UGGT2: variants seen among roughly 807,000 people sequenced by gnomAD.
The protein encoded by UGGT2 is UDP-glucose glycoprotein glucosyltransferase 2, also known as UDP-glucose:glycoprotein glucosyltransferase 2.
A neutral mutation model predicts 192.1 loss-of-function variants in UGGT2; 180 were observed. That is an observed-to-expected ratio of 0.94 (90% CI 0.83 to 1.06). The LOEUF (loss-of-function observed/expected upper bound fraction) is 1.06. Ranked by LOEUF, UGGT2 falls within the 50% of genes least tolerant of loss-of-function variation. The pLI, the probability that UGGT2 is intolerant of heterozygous loss-of-function variation, is 0.00. For missense variants in UGGT2, 1,849 were observed against 1,795.7 expected (o/e 1.03, Z -0.54); for synonymous variants, 580 against 591.0 (o/e 0.98, Z 0.27).
intron 26 of UGGT2, among the ~76,000 whole-genome samples, chr13:95,886,102 A>G (rs542314447): frequency 5.9e-5 from 9 of 152,334 alleles, no homozygotes; most frequent in African/African-American, 2.2e-4. Flanking sequence ...ACAGGAAAGC[A>G]TGAGATCAAA....
intron 36 of UGGT2, among the ~76,000 whole-genome samples, chr13:95,851,447 G>A (rs191908531): frequency 6.6e-6 from 1 of 152,166 alleles, no homozygotes; most frequent in African/African-American, 2.4e-5. Context: ...TCAAGGCAGA[G>A]ATGTAGAGAA....
chr13:95,883,473 T>G (rs1195385661), intron 27 of UGGT2, among the ~76,000 whole-genome samples: 1 of 152,164 alleles, frequency 6.6e-6, no homozygotes. Context: ...CCAAATCTCA[T>G]GTCTAATTGT....
At chr13:95,803,817 T>C (rs1884177433) in intron 38 of UGGT2, among the ~76,000 whole-genome samples, 1 of 152,142 alleles carries the variant, frequency 6.6e-6, no homozygotes, top group Non-Finnish European at 1.5e-5. Flanking sequence ...CATTGTTAAA[T>C]ATATACAAAC....
At chr13:95,935,836 T>A (rs1292371317) in intron 17 of UGGT2, among the ~76,000 whole-genome samples, 12 of 152,206 alleles carry the variant, frequency 7.9e-5, no homozygotes, top group Non-Finnish European at 7.3e-5. Context: ...TTTTAAAAAT[T>A]CTTCTTTTCA....
In UGGT2 at chr13:95,872,943, C is replaced by G. The variant is rs1891343419; in HGVS notation, c.3473+4336G>C. ...TTCTACAATGATTTTCCCATTTAGT[C>G]CTTAGCAAAACCCCACAAGGGAGGT... On this transcript the variant is annotated intron_variant, in intron 29 of 38. Coordinates refer to ENST00000376747, the MANE Select transcript of UGGT2 (RefSeq NM_020121.4). Among the ~76,000 whole-genome samples, 4 of 152,140 alleles carry G rather than the reference C, an allele frequency of 2.6e-5. No individual in the cohort carries two copies. In the South Asian group the frequency reaches 8.3e-4, roughly 32 times the overall value.
rs2140035507 is a variant in UGGT2, at chr13:95,853,633, C to T, written c.4194G>A (p.Lys1398=). Residue 1398 remains lysine (K), a synonymous_variant, in exon 36 of 39, where the codon AAG becomes AAA. Transcript: ENST00000376747. The part of the protein sequence containing the change: ...HISALYVVDL[K]KFRRIGAGDR... ...CACCTGCTCCAATTCTCCTGAACTT[C>T]TTGAGATCCACTACATATAAAGCAC... 6.3e-7 allele frequency: 1 copy of T among 1,585,338 alleles called. No individual in the cohort carries two copies. Among genetic ancestry groups the T allele is most frequent in the Non-Finnish European group, 8.5e-7 (1 of 1,171,318 alleles).
chr13:96,026,415 T>C (rs1009079194), intron 2 of UGGT2, among the ~76,000 whole-genome samples: 2 of 152,236 alleles, frequency 1.3e-5, no homozygotes, highest in African/African-American at 2.4e-5. Flanking sequence ...CATTAAAAAG[T>C]ATTGGTATAA....
chr13:95,953,135 T>C (rs1284312162), intron 12 of UGGT2, among the ~76,000 whole-genome samples: 3 of 152,238 alleles, frequency 2.0e-5, no homozygotes, highest in Non-Finnish European at 2.9e-5. Context: ...ACACATTATA[T>C]GTGAAATTTC....
At chr13:95,806,316 G>C (rs77130384) in intron 38 of UGGT2, among the ~76,000 whole-genome samples, 245 of 152,288 alleles carry the variant, frequency 1.6e-3, no homozygotes, top group African/African-American at 5.4e-3. Context: ...CAGTCCTGCA[G>C]GCTGGGCCCT....
chr13:95,839,160 A>AC (rs1002052915), intron 36 of UGGT2, among the ~76,000 whole-genome samples: 2 of 151,244 alleles, frequency 1.3e-5, no homozygotes, highest in African/African-American at 4.9e-5. Flanking sequence ...CACACACACT[A>AC]CCCCCCATGC....
chr13:95,936,604 A>G (rs755912790), intron 17 of UGGT2, among the ~76,000 whole-genome samples: 3 of 152,210 alleles, frequency 2.0e-5, no homozygotes, highest in Non-Finnish European at 4.4e-5. Context: ...GTGCCTAGGC[A>G]TGGAGCTGGG....
At chr13:95,918,397 T>C (rs1196573699) in intron 20 of UGGT2, among the ~76,000 whole-genome samples, 2 of 152,126 alleles carry the variant, frequency 1.3e-5, no homozygotes, top group African/African-American at 4.8e-5. Context: ...TAAAAAAATT[T>C]ATAGCACTAA....
chr13:96,037,273 A>G (rs1296051183), intron 1 of UGGT2, among the ~76,000 whole-genome samples: 1 of 152,204 alleles, frequency 6.6e-6, no homozygotes, highest in Non-Finnish European at 1.5e-5. Context: ...ATCTTGACTC[A>G]CTGCAACCTT....
At chr13:95,968,138 T>C (rs922146129) in intron 12 of UGGT2, among the ~76,000 whole-genome samples, 2 of 152,132 alleles carry the variant, frequency 1.3e-5, no homozygotes, top group South Asian at 4.1e-4. Context: ...CTTCCAGAGT[T>C]TCATCATTAA....
chr13:95,890,769 A>G, intron 25 of UGGT2, 93 bp downstream of exon 25: 1 of 909,324 alleles, frequency 1.1e-6, no homozygotes, highest in African/African-American at 1.7e-5. Flanking sequence ...GTGAAGGATC[A>G]AGAGCATAAA....
chr13:95,925,404 C>A (rs2048986245), intron 20 of UGGT2, among the ~76,000 whole-genome samples: 2 of 152,032 alleles, frequency 1.3e-5, no homozygotes, highest in African/African-American at 4.8e-5. Context: ...GAGTTACTTA[C>A]TTTGTTTAAT....
chr13:95,817,196 C>CA lies in UGGT2; in HGVS notation c.4529-15385dup, dbSNP rs1884994237. Among the ~76,000 whole-genome samples the CA allele has an allele frequency of 2.0e-5, 3 of 152,114 alleles. 1 individual carries two copies. Among genetic ancestry groups the CA allele is most frequent in the African/African-American group, 7.2e-5 (3 of 41,520 alleles). ...ATACCTCAGTAAAGATTAATAAAAA[C>CA]AAAAAATCAAAGTGTAACATAAGAT... On this transcript the variant is annotated intron_variant, in intron 38 of 38. Transcript: ENST00000376747.
intron 1 of UGGT2, 131 bp downstream of exon 1, chr13:96,053,024 C>A: frequency 7.8e-7 from 1 of 1,275,262 alleles, no homozygotes; most frequent in East Asian, 3.1e-5. Context: ...GGTGGTGATG[C>A]TCAGGGCCAG....
At chr13:95,928,787 C>T (rs1048168989) in intron 17 of UGGT2, among the ~76,000 whole-genome samples, 5 of 151,956 alleles carry the variant, frequency 3.3e-5, no homozygotes, top group Non-Finnish European at 7.4e-5. Context: ...ACTTCCTAGA[C>T]GGGGTGGCGG....
Sources: gnomAD v4.1 joint callset for allele counts (sites outside exome capture counted in the v4.1 genomes callset) on GRCh38, gnomAD v4.1.1 for gene constraint, MANE v1.5 for transcripts, NCBI Gene and HGNC (gene_info 2026-07-23, HGNC 2026-07-21) for gene names.